Variants in TRAPPC2 observed in about 807,000 individuals in gnomAD.
The protein encoded by TRAPPC2 is trafficking protein particle complex subunit 2, also known as sedlin.
TRAPPC2 carries 4 observed loss-of-function variants against 10.0 expected under a neutral mutation model. The ratio of observed to expected loss-of-function variants is 0.40; its 90% confidence interval spans 0.20 to 0.92. The LOEUF (loss-of-function observed/expected upper bound fraction) is 0.92. TRAPPC2 is among the 40% of genes least tolerant of loss of function. The pLI is 0.35. For synonymous variants in TRAPPC2, 36 were observed against 37.3 expected (o/e 0.97, Z 0.12); for missense variants, 52 against 108.7 (o/e 0.48, Z 2.32).
chrX:13,729,427 G>A (rs1385561069), intron 2 of TRAPPC2, among the ~76,000 whole-genome samples: 2 of 111,555 alleles, frequency 1.8e-5, no homozygotes, highest in Non-Finnish European at 3.8e-5. Context: ...CAGAACAGAG[G>A]CCTCAGAAAT....
intron 2 of TRAPPC2, chrX:13,721,040 AAAC>A (rs1394519492): frequency 3.6e-5 from 4 of 110,107 alleles, no homozygotes; most frequent in Non-Finnish European, 5.7e-5. Context: ...AAAAAAAAAA[AAAC>A]AGATTGGCAG....
At chrX:13,728,538 C>G (rs1462701624) in intron 2 of TRAPPC2, among the ~76,000 whole-genome samples, 1 of 111,866 alleles carries the variant, frequency 8.9e-6, no homozygotes, top group Non-Finnish European at 1.9e-5. Flanking sequence ...AGGCCTTTGA[C>G]AAAATTCAAC....
chrX:13,716,977 AGAAG>A (rs1366175922), intron 3 of TRAPPC2, among the ~76,000 whole-genome samples: 1 of 100,701 alleles, frequency 9.9e-6, no homozygotes. Context: ...TCATGTTTCA[AGAAG>A]GAAGTTACCG....
intron 2 of TRAPPC2, chrX:13,722,381 A>G (rs758064750): frequency 9.9e-5 from 11 of 110,883 alleles, no homozygotes; most frequent in Admixed American, 8.6e-4. Context: ...GAACTCAAAG[A>G]CCGACTGCAT....
chrX:13,730,745 G>C (rs975394699), intron 2 of TRAPPC2, among the ~76,000 whole-genome samples: 1 of 111,199 alleles, frequency 9.0e-6, no homozygotes, highest in South Asian at 3.8e-4. Flanking sequence ...CCATAAAAAA[G>C]GATGAGTTCA....
At chrX:13,725,221 G>C (rs142864952) in intron 2 of TRAPPC2, among the ~76,000 whole-genome samples, 2,052 of 113,132 alleles carry the variant, frequency 0.018, 40 homozygotes, top group African/African-American at 0.063. Flanking sequence ...AAACATCCCT[G>C]TCTGACAGCT....
At chrX:13,719,286 T>C (rs1443989770) in intron 3 of TRAPPC2, among the ~76,000 whole-genome samples, 2 of 111,162 alleles carry the variant, frequency 1.8e-5, no homozygotes, top group African/African-American at 3.3e-5. Context: ...AATGGCAATA[T>C]GTCCTCGAGC....
At position 13,716,544 on chromosome X, in the gene TRAPPC2, G is replaced by A; in HGVS notation, c.228C>T (p.Val76=). 1 of 1,211,485 alleles carries A rather than the reference G, an allele frequency of 8.3e-7. No homozygotes were observed. Among genetic ancestry groups the A allele is most frequent in the Non-Finnish European group, 1.1e-6 (1 of 895,376 alleles). The change falls in exon 4 of 6, where the codon GTC becomes GTT. Residue 76 remains valine (V), a synonymous_variant. Coordinates refer to ENST00000380579, the MANE Select transcript of TRAPPC2 (RefSeq NM_001011658.4). ...KFNEWFVSAF[V]TAGHMRFIML... ...AGAAGGTAAGGATATGCCCCGCAGT[G>A]ACAAATGCCGACACAAACCACTCGT...
chrX:13,729,918 AAAAC>A (rs991056586), intron 2 of TRAPPC2, among the ~76,000 whole-genome samples: 64 of 111,599 alleles, frequency 5.7e-4, no homozygotes, highest in Non-Finnish European at 9.8e-4. Flanking sequence ...CAAAAAACAA[AAAAC>A]AAACAAAAAA....
At chrX:13,725,002 C>T (rs1445911015) in intron 2 of TRAPPC2, among the ~76,000 whole-genome samples, 4 of 113,250 alleles carry the variant, frequency 3.5e-5, no homozygotes, top group African/African-American at 9.6e-5. Context: ...TCACTGCTAG[C>T]GCAGCAGTCT....
rs528079155 is a variant in TRAPPC2, at chrX:13,729,404, T to G, written c.-20+4640A>C. Among the ~76,000 whole-genome samples, 11 of 111,667 alleles carry G rather than the reference T, an allele frequency of 9.9e-5. No homozygotes were observed. In the South Asian group the frequency reaches 4.1e-3, roughly 42 times the overall value. The stretch of plus-strand genomic sequence containing the variant: ...TGGTACTGGTACCGAAACAGATATA[T>G]AGACCAATGGAACAGAACAGAGGCC... On this transcript the variant is annotated intron_variant, in intron 2 of 5. Coordinates refer to ENST00000380579, the MANE Select transcript of TRAPPC2 (RefSeq NM_001011658.4).
intron 2 of TRAPPC2, among the ~76,000 whole-genome samples, chrX:13,730,617 CG>C (rs1292853130): frequency 2.7e-5 from 3 of 111,531 alleles, no homozygotes; most frequent in Non-Finnish European, 5.6e-5. Context: ...CACAAGCACA[CG>C]TATGTTTATT....
rs2046244668 is a variant in TRAPPC2 at position 13,713,601 on chromosome X, CAGG to C, written c.*803_*805del. 1 of 109,807 alleles carries C rather than the reference CAGG, an allele frequency of 9.1e-6. No individual in the cohort carries two copies. The highest frequency in any genetic ancestry group is 1.9e-5 in the Non-Finnish European group (1 of 52,729). The allele number at this position is 109,807 out of a possible 1,213,427, so 9.0% of individuals were successfully genotyped here. On this transcript the variant is annotated 3_prime_UTR_variant, in exon 6 of 6. Coordinates refer to ENST00000380579, the MANE Select transcript of TRAPPC2 (RefSeq NM_001011658.4). ...TCCTGAGGTGGGTGGATCACGAGGT[CAGG>C]AGTTCAAGACCAGCCTGACCAATAT... is the stretch of plus-strand genomic sequence containing the variant.
chrX:13,719,531 A>G (rs562276436), intron 3 of TRAPPC2, among the ~76,000 whole-genome samples: 1 of 112,133 alleles, frequency 8.9e-6, no homozygotes, highest in Middle Eastern at 4.6e-3. Flanking sequence ...GATGAAAAAC[A>G]TGATTCATGA....
In TRAPPC2 at chrX:13,713,595, C is replaced by CCT. The variant is rs2046244555; in HGVS notation, c.*811_*812insAG. ...AGCACTTCCTGAGGTGGGTGGATCA[C>CCT]GAGGTCAGGAGTTCAAGACCAGCCT... On this transcript the variant is annotated 3_prime_UTR_variant, in exon 6 of 6. Coordinates refer to ENST00000380579, the MANE Select transcript of TRAPPC2 (RefSeq NM_001011658.4). 2 of 108,851 alleles carry CCT rather than the reference C, an allele frequency of 1.8e-5. No homozygotes were observed. Among genetic ancestry groups the CCT allele is most frequent in the Non-Finnish European group, 3.8e-5 (2 of 52,386 alleles). The allele number at this position is 108,851 out of a possible 1,213,427, so 9.0% of individuals were successfully genotyped here.
Position 13,734,169 on chromosome X carries a change from T to G in TRAPPC2, c.-145A>C. 1 of 502,096 alleles carries G rather than the reference T, an allele frequency of 2.0e-6. No homozygotes were observed. Among genetic ancestry groups the G allele is most frequent in the South Asian group, 2.6e-5 (1 of 38,394 alleles). The allele number at this position is 502,096 out of a possible 1,213,427, so 41.4% of individuals were successfully genotyped here. On this transcript the variant is annotated 5_prime_UTR_variant, in exon 2 of 6. Coordinates refer to ENST00000380579, the MANE Select transcript of TRAPPC2 (RefSeq NM_001011658.4). Reference sequence around the variant, plus strand: ...TGGAGACATCTTTGGTTGTCACACTTGGGGGAGAAGGTGATACTGACAAAA... The same window carrying G: ...TGGAGACATCTTTGGTTGTCACACTGGGGGGAGAAGGTGATACTGACAAAA...
At chrX:13,717,148 T>C (rs1169467540) in intron 3 of TRAPPC2, among the ~76,000 whole-genome samples, 1 of 106,946 alleles carries the variant, frequency 9.4e-6, no homozygotes, top group African/African-American at 3.4e-5. Flanking sequence ...TCCTGCACAG[T>C]GGCACCAGGT....
At chrX:13,729,800 C>T (rs902940346) in intron 2 of TRAPPC2, among the ~76,000 whole-genome samples, 4 of 111,296 alleles carry the variant, frequency 3.6e-5, no homozygotes, top group African/African-American at 1.3e-4. Context: ...CCCTGCTACT[C>T]GGGAGGCAGA....
At chrX:13,718,284 G>A (rs1198867342) in intron 3 of TRAPPC2, among the ~76,000 whole-genome samples, 1 of 113,303 alleles carries the variant, frequency 8.8e-6, no homozygotes, top group African/African-American at 3.2e-5. Flanking sequence ...CATAGTTAAA[G>A]CATGTTTTAC....
Sources: gnomAD v4.1 joint callset for allele counts (sites outside exome capture counted in the v4.1 genomes callset) on GRCh38, gnomAD v4.1.1 for gene constraint, MANE v1.5 for transcripts, NCBI Gene and HGNC (gene_info 2026-07-23, HGNC 2026-07-21) for gene names.